The following SDK1 variants were observed in gnomAD, a reference collection of about 807,000 sequenced individuals.
SDK1 encodes protein sidekick-1.
Under a neutral mutation model 245.5 loss-of-function variants are expected in SDK1, and 157 were observed. The ratio of observed to expected loss-of-function variants is 0.64; its 90% CI spans 0.56 to 0.73. SDK1 has a LOEUF of 0.73. Ranked by LOEUF, SDK1 falls within the 30% of genes least tolerant of loss-of-function variation. The pLI, the probability that SDK1 is intolerant of heterozygous loss-of-function variation, is 0.00. For synonymous variants in SDK1, 1,647 were observed against 1,278.5 expected, an observed-to-expected ratio of 1.29 and a Z score of -6.15; for missense variants, 3,583 against 3,002.3, an observed-to-expected ratio of 1.19 and a Z score of -4.52.
chr7:4,092,980 C>G (rs538578248), intron 22 of SDK1, among the ~76,000 whole-genome samples: 1 of 152,142 alleles, frequency 6.6e-6, no homozygotes, highest in African/African-American at 2.4e-5. Context: ...TAGATGCTAA[C>G]CATTTTTAAA....
chr7:3,859,686 C>T (rs1012476150), intron 5 of SDK1, among the ~76,000 whole-genome samples: 1 of 152,154 alleles, frequency 6.6e-6, no homozygotes, highest in Non-Finnish European at 1.5e-5. Context: ...TTACCATCCC[C>T]AGGGGACAGC....
At chr7:4,184,057 C>G (rs1782743882) in intron 35 of SDK1, among the ~76,000 whole-genome samples, 2 of 152,226 alleles carry the variant, frequency 1.3e-5, no homozygotes, top group African/African-American at 4.8e-5. Context: ...CCTTTCTAGC[C>G]TCTGCTTCTC....
At chr7:4,226,433 A>T (rs1393158780) in intron 40 of SDK1, among the ~76,000 whole-genome samples, 3 of 152,216 alleles carry the variant, frequency 2.0e-5, no homozygotes, top group African/African-American at 7.2e-5. Context: ...GCCCGGGCAG[A>T]TGGTAGTGGA....
chr7:4,232,567 ATCC>A lies in SDK1; in HGVS notation c.5828-683_5828-681del, dbSNP rs1785865166. Among the ~76,000 whole-genome samples, 5 of 151,942 alleles carry A rather than the reference ATCC, an allele frequency of 3.3e-5. 1 individual carries two copies. The South Asian group carries it at 1.0e-3, about 32-fold the overall frequency. ...AACCTCAACCTCCCAGGCTCAAGCAATCCTCCTGCTTCAGCCTCTTGAGTAGTA... is the reference window on the plus strand; with the variant it reads ...AACCTCAACCTCCCAGGCTCAAGCAATCCTGCTTCAGCCTCTTGAGTAGTA... On this transcript the variant is annotated intron_variant, in intron 40 of 44. Coordinates refer to ENST00000404826, the MANE Select transcript of SDK1 (RefSeq NM_152744.4).
intron 1 of SDK1, among the ~76,000 whole-genome samples, chr7:3,506,851 A>C (rs1173385868): frequency 6.6e-6 from 1 of 152,058 alleles, no homozygotes; most frequent in Non-Finnish European, 1.5e-5. Flanking sequence ...TTTTTAAATA[A>C]ACACACACAT....
intron 4 of SDK1, among the ~76,000 whole-genome samples, chr7:3,687,553 C>A (rs1046650229): frequency 6.6e-6 from 1 of 152,176 alleles, no homozygotes; most frequent in African/African-American, 2.4e-5. Flanking sequence ...AAGGTGTGAA[C>A]TGTCGATGCA....
intron 17 of SDK1, among the ~76,000 whole-genome samples, chr7:4,037,775 A>G (rs1419712203): frequency 6.6e-6 from 1 of 152,220 alleles, no homozygotes; most frequent in East Asian, 1.9e-4. Context: ...TTTATAGGCC[A>G]TCTTTTACCT....
intron 1 of SDK1, among the ~76,000 whole-genome samples, chr7:3,369,701 A>C (rs1368548570): frequency 6.6e-6 from 1 of 152,254 alleles, no homozygotes; most frequent in African/African-American, 2.4e-5. Context: ...ATTATTATAA[A>C]TTAATAAAAT....
At chr7:3,905,612 T>C (rs766165644) in intron 5 of SDK1, among the ~76,000 whole-genome samples, 14 of 152,186 alleles carry the variant, frequency 9.2e-5, no homozygotes, top group Non-Finnish European at 2.1e-4. Flanking sequence ...TTTAGAATCA[T>C]GTCCTTTATC....
chr7:3,672,663 TTATA>T (rs1783741663), intron 4 of SDK1, among the ~76,000 whole-genome samples: 1 of 137,978 alleles, frequency 7.2e-6, no homozygotes, highest in Admixed American at 7.6e-5. Flanking sequence ...AATATTAAAT[TTATA>T]TATAAATTTG....
chr7:3,925,814 C>G (rs544632658), intron 5 of SDK1, among the ~76,000 whole-genome samples: 1 of 152,222 alleles, frequency 6.6e-6, no homozygotes, highest in South Asian at 2.1e-4. Context: ...GCAGCCCTCC[C>G]ACCATGCTGA....
rs551743515 is a variant in SDK1, at chr7:4,076,856, G to A, written c.3011-142G>A. The A allele has an allele frequency of 1.3e-5, 9 of 668,208 alleles. No individual in the cohort carries two copies. The Admixed American group carries it at 1.8e-4, about 14-fold the overall frequency. 41.4% of individuals were successfully genotyped at this position (668,208 alleles called of 1,614,324 possible). A position where few individuals can be genotyped will look rare whatever the true frequency, so the allele number is the denominator to read the frequency against. The stretch of plus-strand genomic sequence containing the variant: ...GAGCCTTGACCTGTGTCTCATGTCA[G>A]TAGCACAGTGGCTCTAAGCTGCCTT... On this transcript the variant is annotated intron_variant, in intron 20 of 44. Coordinates refer to ENST00000404826, the MANE Select transcript of SDK1 (RefSeq NM_152744.4).
At chr7:4,067,774 C>T (rs1421276424) in intron 19 of SDK1, 64 bp from the exon 20 acceptor site, 2 of 1,230,732 alleles carry the variant, frequency 1.6e-6, no homozygotes, top group African/African-American at 1.5e-5. Flanking sequence ...ACCTTCCCCA[C>T]ACATCTGATC....
chr7:4,261,203 C>T (rs1441660117), intron 44 of SDK1, among the ~76,000 whole-genome samples: 5 of 152,092 alleles, frequency 3.3e-5, no homozygotes, highest in African/African-American at 1.2e-4. Flanking sequence ...CCCTAGGTGC[C>T]GGACGGTGTC....
chr7:3,998,656 C>T (rs557619950), intron 14 of SDK1, among the ~76,000 whole-genome samples: 1 of 152,288 alleles, frequency 6.6e-6, no homozygotes, highest in South Asian at 2.1e-4. Context: ...AGCCTCAAAC[C>T]TGAAATAATG....
intron 5 of SDK1, among the ~76,000 whole-genome samples, chr7:3,926,756 G>A (rs1362320992): frequency 1.3e-5 from 2 of 152,178 alleles, no homozygotes; most frequent in East Asian, 1.9e-4. Flanking sequence ...CGTAAGGCAC[G>A]GTGGTTCAGA....
At chr7:4,045,703 G>A (rs930384157) in intron 17 of SDK1, among the ~76,000 whole-genome samples, 1 of 152,146 alleles carries the variant, frequency 6.6e-6, no homozygotes, top group African/African-American at 2.4e-5. Flanking sequence ...CTCAAACTGC[G>A]AGGGCCTTGG....
intron 1 of SDK1, among the ~76,000 whole-genome samples, chr7:3,348,149 A>G (rs373846377): frequency 1.5e-4 from 23 of 152,168 alleles, no homozygotes; most frequent in Admixed American, 3.3e-4. Flanking sequence ...GCAAAGCTCA[A>G]TGATGATGCA....
chr7:3,456,591 TTTTTG>T (rs1232372811), intron 1 of SDK1, among the ~76,000 whole-genome samples: 6 of 152,260 alleles, frequency 3.9e-5, no homozygotes, highest in African/African-American at 7.2e-5. Context: ...GTTCTAGATT[TTTTTG>T]TTTTATTTTT....
Sources: gnomAD v4.1 joint callset for allele counts (sites outside exome capture counted in the v4.1 genomes callset) on GRCh38, gnomAD v4.1.1 for gene constraint, MANE v1.5 for transcripts, NCBI Gene and HGNC (gene_info 2026-07-23, HGNC 2026-07-21) for gene names.